The following MSH3 variants were observed in gnomAD, a reference collection of about 807,000 sequenced individuals.
MSH3 encodes the protein DNA mismatch repair protein Msh3.
MSH3 carries 106 observed loss-of-function variants against 123.3 expected under a neutral mutation model. The observed-to-expected ratio is 0.86, with a 90% confidence interval of 0.73 to 1.01. The LOEUF (loss-of-function observed/expected upper bound fraction) is 1.01. Ranked by LOEUF, MSH3 falls within the 50% of genes least tolerant of loss-of-function variation. The pLI is 0.00. For synonymous variants in MSH3, 515 were observed against 481.4 expected (o/e 1.07, Z -0.91); for missense variants, 1,459 against 1,347.6 (o/e 1.08, Z -1.29).
Position 80,768,854 on chromosome 5 carries a change from T to C in MSH3, c.2104T>C (p.Leu702=). Residue 702 remains leucine, a synonymous_variant, in exon 15 of 24, where the codon TTA becomes CTA. Coordinates refer to ENST00000265081, the MANE Select transcript of MSH3 (RefSeq NM_002439.5). The stretch of plus-strand genomic sequence containing the variant: ...TTTTAGAGTTGGGGATAAAACTGAA[T>C]TATTTAAAGACCTTTCTGACTTCCC... The part of the protein sequence containing the change: ...QAAKVGDKTE[L]FKDLSDFPLI... 2 of 1,609,312 alleles carry C rather than the reference T, an allele frequency of 1.2e-6. No individual in the cohort carries two copies. Among genetic ancestry groups the C allele is most frequent in the Non-Finnish European group, 1.7e-6 (2 of 1,176,358 alleles).
intron 17 of MSH3, among the ~76,000 whole-genome samples, chr5:80,784,855 AT>A: frequency 6.6e-6 from 1 of 152,322 alleles, no homozygotes; most frequent in East Asian, 1.9e-4. Flanking sequence ...TATATTCATT[AT>A]GTTCTATCTA....
chr5:80,843,659 C>T (rs1032084810), intron 20 of MSH3, among the ~76,000 whole-genome samples: 5 of 152,140 alleles, frequency 3.3e-5, no homozygotes, highest in Non-Finnish European at 5.9e-5. Context: ...TGGAATTTAT[C>T]CATTTCTTCT....
intron 2 of MSH3, among the ~76,000 whole-genome samples, chr5:80,663,127 A>G (rs1305263030): frequency 6.6e-6 from 1 of 152,172 alleles, no homozygotes; most frequent in East Asian, 1.9e-4. Flanking sequence ...AGTTCCAGCT[A>G]CTCAGGAGGC....
At chr5:80,769,960 TAA>T (rs1471926732) in intron 15 of MSH3, among the ~76,000 whole-genome samples, 1 of 152,166 alleles carries the variant, frequency 6.6e-6, no homozygotes, top group East Asian at 1.9e-4. Flanking sequence ...ATTTACCCAT[TAA>T]GTCAACCTGT....
intron 4 of MSH3, among the ~76,000 whole-genome samples, chr5:80,670,589 G>A (rs1365497202): frequency 6.6e-6 from 1 of 152,158 alleles, no homozygotes; most frequent in Non-Finnish European, 1.5e-5. Context: ...AATTGGATGA[G>A]TCAATTAGTG....
intron 15 of MSH3, among the ~76,000 whole-genome samples, chr5:80,773,588 T>G (rs993445668): frequency 2.6e-5 from 4 of 152,222 alleles, no homozygotes; most frequent in African/African-American, 9.6e-5. Context: ...ATGTTGATAC[T>G]GTTATTAATA....
rs141118996 is a variant in MSH3 at position 80,678,947 on chromosome 5, C to T, written c.1194C>T (p.Gly398=). 1.7e-4 allele frequency: 277 copies of T among 1,613,938 alleles called. No homozygotes were observed. Among genetic ancestry groups the T allele is most frequent in the Non-Finnish European group, 2.1e-4 (248 of 1,179,998 alleles). The change falls in exon 8 of 24, where the codon GGC becomes GGT. Residue 398 remains glycine, a synonymous_variant. Coordinates refer to ENST00000265081, the MANE Select transcript of MSH3 (RefSeq NM_002439.5). The part of the protein sequence containing the change: ...IGIVGVQPAT[G]EVVFDSFQDS... ...TTTAGGGAGTGCAGCCTGCCACAGGCGAGGTTGTGTTTGATAGTTTCCAGG... is the reference window on the plus strand; with the variant it reads ...TTTAGGGAGTGCAGCCTGCCACAGGTGAGGTTGTGTTTGATAGTTTCCAGG...
At chr5:80,699,606 A>C (rs1351545656) in intron 8 of MSH3, among the ~76,000 whole-genome samples, 1 of 151,626 alleles carries the variant, frequency 6.6e-6, no homozygotes, top group African/African-American at 2.4e-5. Flanking sequence ...CTGGAAATCT[A>C]TACATTAACA....
chr5:80,832,612 C>T (rs960429141), intron 20 of MSH3, among the ~76,000 whole-genome samples: 4 of 148,628 alleles, frequency 2.7e-5, no homozygotes, highest in African/African-American at 7.4e-5. Context: ...GAGTAAGACT[C>T]CATTAAAAAA....
chr5:80,812,584 C>CTT (rs11415035), intron 19 of MSH3, among the ~76,000 whole-genome samples: 45,027 of 123,496 alleles, frequency 0.36, 9,133 homozygotes, highest in East Asian at 0.6. Flanking sequence ...CTGGTTCTGG[C>CTT]TTTTTTTTTT....
intron 21 of MSH3, among the ~76,000 whole-genome samples, chr5:80,856,077 G>A (rs965118920): frequency 7.2e-5 from 11 of 151,750 alleles, no homozygotes; most frequent in African/African-American, 2.7e-4. Context: ...TAGGAATGGA[G>A]TTTCACCGTG....
chr5:80,654,779 C>G lies in MSH3; in HGVS notation c.52C>G (p.Pro18Ala). The G allele has an allele frequency of 6.2e-7, 1 of 1,607,172 alleles. No homozygotes were observed. Among genetic ancestry groups the G allele is most frequent in the Non-Finnish European group, 8.5e-7 (1 of 1,177,484 alleles). The change falls in exon 1 of 24, where the codon CCT becomes GCT. Residue 18 changes from proline (P) to alanine (A), a missense_variant. Physicochemically the swap from Pro to Ala is conservative, Grantham distance 27. Transcript: ENST00000265081. ...CGGCCTCGCTGCCTCCAGCTCAGCC[C>G]CTGCGAGGCAAGCGGTTTTGAGCCG... ...SGGLAASSSA[P>A]ARQAVLSRFF...
intron 17 of MSH3, among the ~76,000 whole-genome samples, chr5:80,784,641 G>A (rs1744471893): frequency 6.6e-6 from 1 of 152,012 alleles, no homozygotes; most frequent in South Asian, 2.1e-4. Flanking sequence ...TCAAATAGTA[G>A]GTCTTATTCA....
intron 8 of MSH3, among the ~76,000 whole-genome samples, chr5:80,692,853 ATG>A (rs1458810402): frequency 3.4e-5 from 4 of 117,794 alleles, no homozygotes; most frequent in African/African-American, 1.2e-4. Context: ...ATAAATATAC[ATG>A]CACATGTATA....
At chr5:80,859,489 A>T (rs1561501825) in intron 21 of MSH3, among the ~76,000 whole-genome samples, 1 of 152,096 alleles carries the variant, frequency 6.6e-6, no homozygotes, top group East Asian at 1.9e-4. Context: ...TAGACAACAT[A>T]CAGTTAGGTC....
chr5:80,842,374 T>A lies in MSH3; in HGVS notation c.2814-11756T>A, dbSNP rs190464239. Reference sequence around the variant, plus strand: ...GCTTTGTTCTTTTTGCTTAGGATTGTCTTGGCAATGCAGGCTCTTTTTTGG... The same window carrying A: ...GCTTTGTTCTTTTTGCTTAGGATTGACTTGGCAATGCAGGCTCTTTTTTGG... On this transcript the variant is annotated intron_variant, in intron 20 of 23. Coordinates refer to ENST00000265081, the MANE Select transcript of MSH3 (RefSeq NM_002439.5). Among the ~76,000 whole-genome samples, 194 of 152,296 alleles carry A rather than the reference T, an allele frequency of 1.3e-3. 2 individuals carry two copies. The highest frequency in any genetic ancestry group is 4.5e-3 in the African/African-American group (188 of 41,554).
intron 20 of MSH3, among the ~76,000 whole-genome samples, chr5:80,823,643 TA>T (rs1175184200): frequency 3.9e-5 from 6 of 151,988 alleles, no homozygotes; most frequent in Non-Finnish European, 7.4e-5. Context: ...CATGGAGCTT[TA>T]AAAAAAATAC....
At chr5:80,764,990 T>C (rs1744099930) in intron 13 of MSH3, among the ~76,000 whole-genome samples, 1 of 152,080 alleles carries the variant, frequency 6.6e-6, no homozygotes, top group Non-Finnish European at 1.5e-5. Context: ...GTGCTCAAGC[T>C]CTCCCAGTGA....
chr5:80,680,573 G>T lies in MSH3; in HGVS notation c.1340+1480G>T, dbSNP rs867575740. On this transcript the variant is annotated intron_variant, in intron 8 of 23. Coordinates refer to ENST00000265081, the MANE Select transcript of MSH3 (RefSeq NM_002439.5). ...TGCAAAATCACTTTTCTATTCTGTG[G>T]TTTTTTTTTTTTTAACTTTACAATT... 2.9e-3 allele frequency among the ~76,000 whole-genome samples: 415 copies of T among 144,022 alleles called. 1 individual carries two copies. The highest frequency in any genetic ancestry group is 0.013 in the South Asian group (60 of 4,576). The allele number at this position is 144,022 out of a possible 152,430, so 94.5% of individuals were successfully genotyped here.
Sources: allele counts gnomAD v4.1 joint callset (sites outside exome capture counted in the v4.1 genomes callset), GRCh38; gene constraint gnomAD v4.1.1; transcripts MANE v1.5; gene names NCBI Gene and HGNC (gene_info 2026-07-23, HGNC 2026-07-21).